ANO3: variants seen among roughly 807,000 people sequenced by gnomAD.
ANO3 encodes anoctamin 3.
A neutral mutation model predicts 144.8 loss-of-function variants in ANO3; 99 were observed. The ratio of observed to expected loss-of-function variants is 0.68; its 90% CI spans 0.58 to 0.81. ANO3 has a LOEUF of 0.81. ANO3 is among the 30% of genes least tolerant of loss of function. ANO3 has a pLI of 0.00. For synonymous variants in ANO3, 414 were observed against 392.6 expected (o/e 1.05, Z -0.64); for missense variants, 905 against 1,202.2 (o/e 0.75, Z 3.66).
intron 24 of ANO3, among the ~76,000 whole-genome samples, chr11:26,651,777 C>A (rs1384505342): frequency 6.6e-6 from 1 of 152,108 alleles, no homozygotes; most frequent in Non-Finnish European, 1.5e-5. Flanking sequence ...GTTCTGAGGG[C>A]AAACGTTTTT....
intron 14 of ANO3, among the ~76,000 whole-genome samples, chr11:26,578,362 A>G (rs1461648479): frequency 6.6e-6 from 1 of 152,186 alleles, no homozygotes; most frequent in East Asian, 1.9e-4. Context: ...TCACTACCTC[A>G]GCAGTACGTA....
At chr11:26,643,370 A>G (rs746350503) in intron 23 of ANO3, 36 bp downstream of exon 23, 1 of 1,611,580 alleles carries the variant, frequency 6.2e-7, no homozygotes, top group African/African-American at 1.3e-5. Context: ...TTACGTTGCT[A>G]ACACCAATAG....
At chr11:26,644,815 TCACACACACACA>T (rs71449132) in intron 23 of ANO3, among the ~76,000 whole-genome samples, 3 of 145,200 alleles carry the variant, frequency 2.1e-5, no homozygotes, top group Admixed American at 6.9e-5. Flanking sequence ...GGAATACTAA[TCACACACACACA>T]CACACACACA....
intron 20 of ANO3, among the ~76,000 whole-genome samples, chr11:26,638,535 A>C (rs6484232): frequency 0.38 from 57,497 of 152,100 alleles, 11,743 homozygotes; most frequent in South Asian, 0.49. Context: ...TAAATACCAT[A>C]GGGTATGTGG....
At chr11:26,615,414 A>ATATATATATATATATTTTTTTT (rs1352935016) in intron 17 of ANO3, among the ~76,000 whole-genome samples, 1 of 130,686 alleles carries the variant, frequency 7.7e-6, no homozygotes, top group African/African-American at 3.0e-5. Context: ...ATATATATAT[A>ATATATATATATATATTTTTTTT]TTTTTTTTTT....
intron 6 of ANO3, among the ~76,000 whole-genome samples, chr11:26,522,743 C>G (rs1187301075): frequency 1.3e-5 from 2 of 151,916 alleles, no homozygotes; most frequent in Admixed American, 6.6e-5. Flanking sequence ...TTTCCCCCAC[C>G]CAGAAAACCT....
chr11:26,338,874 G>A (rs1047511409), intron 1 of ANO3, among the ~76,000 whole-genome samples: 7 of 152,154 alleles, frequency 4.6e-5, no homozygotes, highest in Admixed American at 4.6e-4. Flanking sequence ...TTTAAGAGCT[G>A]TAACACTCAC....
chr11:26,586,622 C>A (rs1457022269), intron 14 of ANO3, among the ~76,000 whole-genome samples: 1 of 151,094 alleles, frequency 6.6e-6, no homozygotes, highest in Non-Finnish European at 1.5e-5. Context: ...CCTGCCTCAG[C>A]CTCCCGAGTA....
At chr11:26,532,786 C>A (rs1849407358) in intron 8 of ANO3, among the ~76,000 whole-genome samples, 1 of 152,094 alleles carries the variant, frequency 6.6e-6, no homozygotes, top group African/African-American at 2.4e-5. Flanking sequence ...AAGAGACTGG[C>A]TCTGAAAATG....
At chr11:26,218,524 T>C (rs182972697) in intron 1 of ANO3, among the ~76,000 whole-genome samples, 9 of 152,148 alleles carry the variant, frequency 5.9e-5, no homozygotes, top group Admixed American at 1.3e-4. Context: ...TGTTCAATTA[T>C]ACTCCCTGGC....
intron 24 of ANO3, among the ~76,000 whole-genome samples, chr11:26,653,473 C>G (rs1252767135): frequency 1.3e-5 from 2 of 152,082 alleles, no homozygotes; most frequent in East Asian, 3.9e-4. Context: ...TCACCTGGAT[C>G]CTTGAATAAT....
chr11:26,355,513 G>T (rs1379216445), intron 1 of ANO3, among the ~76,000 whole-genome samples: 2 of 148,936 alleles, frequency 1.3e-5, no homozygotes, highest in South Asian at 2.1e-4. Context: ...GTTCTACACT[G>T]TTGGGGTCTT....
intron 14 of ANO3, among the ~76,000 whole-genome samples, chr11:26,584,569 A>T (rs1851225064): frequency 6.6e-6 from 1 of 152,224 alleles, no homozygotes; most frequent in Admixed American, 6.5e-5. Context: ...ATGAACATTT[A>T]TTGAGCATTT....
rs1177723408 is a variant in ANO3, at chr11:26,565,395, T to C, written c.1447+5616T>C. On this transcript the variant is annotated intron_variant, in intron 14 of 26. Coordinates refer to ENST00000256737, the MANE Select transcript of ANO3 (RefSeq NM_031418.4). ...GTTATCAGGAGTTTTCACGGTGTCA[T>C]TGACCAAAGACCAAGTGAAGTTTTC... 1.9e-6 allele frequency: 3 copies of C among 1,613,254 alleles called. No homozygotes were observed. The highest frequency in any genetic ancestry group is 2.2e-5 in the South Asian group (2 of 91,060).
intron 1 of ANO3, among the ~76,000 whole-genome samples, chr11:26,252,594 TCTC>T (rs1852954722): frequency 6.6e-6 from 1 of 152,194 alleles, no homozygotes; most frequent in South Asian, 2.1e-4. Flanking sequence ...TCTATATTTT[TCTC>T]CTCATTTATT....
At chr11:26,244,730 G>C (rs1260287514) in intron 1 of ANO3, among the ~76,000 whole-genome samples, 1 of 152,082 alleles carries the variant, frequency 6.6e-6, no homozygotes, top group East Asian at 1.9e-4. Flanking sequence ...TGGCAATACT[G>C]TTAGTACTAG....
intron 24 of ANO3, among the ~76,000 whole-genome samples, chr11:26,648,406 CA>C: frequency 6.6e-6 from 1 of 152,282 alleles, no homozygotes; most frequent in East Asian, 1.9e-4. Flanking sequence ...CATAGTTTCT[CA>C]GCCTCTGCAC....
At chr11:26,340,832 T>A (rs145668721) in intron 1 of ANO3, among the ~76,000 whole-genome samples, 3 of 152,238 alleles carry the variant, frequency 2.0e-5, no homozygotes, top group African/African-American at 7.2e-5. Context: ...GGTTCCTAAA[T>A]GGCATTGGCT....
At chr11:26,411,661 C>T (rs900296564) in intron 1 of ANO3, among the ~76,000 whole-genome samples, 21 of 151,800 alleles carry the variant, frequency 1.4e-4, no homozygotes, top group Admixed American at 6.6e-4. Flanking sequence ...TCTGATACTG[C>T]GATACTCACC....
Sources: gnomAD v4.1 joint callset for allele counts (sites outside exome capture counted in the v4.1 genomes callset) on GRCh38, gnomAD v4.1.1 for gene constraint, MANE v1.5 for transcripts, NCBI Gene and HGNC (gene_info 2026-07-23, HGNC 2026-07-21) for gene names.